YES1: variants seen among roughly 807,000 people sequenced by gnomAD.
YES1 encodes YES proto-oncogene 1, Src family tyrosine kinase, also known as tyrosine-protein kinase Yes.
In YES1, 39 loss-of-function variants were observed where a neutral mutation model predicts 70.4. The ratio of observed to expected loss-of-function variants is 0.55; its 90% CI spans 0.43 to 0.72. YES1 has a LOEUF of 0.72. Ranked by LOEUF, YES1 falls within the 30% of genes least tolerant of loss-of-function variation. YES1 has a pLI of 0.00. For missense variants in YES1, 495 were observed against 644.8 expected (o/e 0.77, Z 2.52); for synonymous variants, 198 against 218.6 (o/e 0.91, Z 0.83).
At chr18:811,990 G>T in intron 1 of YES1, 124 bp downstream of exon 1, 1 of 166,628 alleles carries the variant, frequency 6.0e-6, no homozygotes, top group South Asian at 1.6e-4. Flanking sequence ...CCAACTTCCC[G>T]ACTCGGGCCC....
Position 745,762 on chromosome 18 carries a change from T to C in YES1, c.670A>G (p.Ile224Val), listed in dbSNP as rs950954198. 5 of 1,613,426 alleles carry C rather than the reference T, an allele frequency of 3.1e-6. No individual in the cohort carries two copies. Among genetic ancestry groups the C allele is most frequent in the Non-Finnish European group, 3.4e-6 (4 of 1,179,796 alleles). The change falls in exon 6 of 12, where the codon ATC becomes GTC. Residue 224 changes from isoleucine to valine, a missense_variant. Ile to Val is a conservative substitution (Grantham distance 29, BLOSUM62 3). Coordinates refer to ENST00000314574, the MANE Select transcript of YES1 (RefSeq NM_005433.4). ...IRKLDNGGYY[I>V]TTRAQFDTLQ... ...GTATCAAATTGTGCTCTGGTTGTGATATAGTATCCACCATTGTCAAGTTTC... is the reference window on the plus strand; with the variant it reads ...GTATCAAATTGTGCTCTGGTTGTGACATAGTATCCACCATTGTCAAGTTTC...
chr18:809,853 A>G (rs1304671696), intron 1 of YES1, among the ~76,000 whole-genome samples: 1 of 152,176 alleles, frequency 6.6e-6, no homozygotes, highest in Non-Finnish European at 1.5e-5. Flanking sequence ...ACTAAGACCA[A>G]TACCCTTGGT....
Position 772,358 on chromosome 18 carries a change from A to G in YES1, c.-8-15523T>C, listed in dbSNP as rs114843162. 4.2e-3 allele frequency among the ~76,000 whole-genome samples: 641 copies of G among 151,996 alleles called. 3 individuals carry two copies. Among genetic ancestry groups the G allele is most frequent in the African/African-American group, 0.015 (612 of 41,472 alleles). On this transcript the variant is annotated intron_variant, in intron 1 of 11. Transcript: ENST00000314574. ...TGTTCAAGTTTGAATGCAGGTCTTG[A>G]TACTAGGTAAACATTGCTTTGTTTT... is the stretch of plus-strand genomic sequence containing the variant.
intron 1 of YES1, among the ~76,000 whole-genome samples, chr18:785,736 C>A (rs920924749): frequency 2.0e-5 from 3 of 150,050 alleles, no homozygotes; most frequent in Admixed American, 6.7e-5. Flanking sequence ...GCCAGTCTGT[C>A]AAGACCAGTC....
chr18:799,982 T>C (rs1906739725), intron 1 of YES1, among the ~76,000 whole-genome samples: 1 of 152,200 alleles, frequency 6.6e-6, no homozygotes. Context: ...AACTCCTATA[T>C]TGTAAGTGGG....
At chr18:755,508 T>G (rs2080395408) in intron 2 of YES1, among the ~76,000 whole-genome samples, 1 of 152,156 alleles carries the variant, frequency 6.6e-6, no homozygotes, top group South Asian at 2.1e-4. Flanking sequence ...TGCCTCAGCC[T>G]CCCAAAATGC....
intron 11 of YES1, among the ~76,000 whole-genome samples, chr18:728,322 C>CA (rs34970099): frequency 0.45 from 66,007 of 145,582 alleles, 14,560 homozygotes; most frequent in South Asian, 0.51. Flanking sequence ...GACCCTGTCT[C>CA]AAAAAAAAAA....
chr18:725,276 C>T (rs2080003991), intron 11 of YES1, among the ~76,000 whole-genome samples: 1 of 152,020 alleles, frequency 6.6e-6, no homozygotes, highest in African/African-American at 2.4e-5. Context: ...TCTCACTAAG[C>T]CAGCAACCTC....
chr18:805,781 G>C (rs1437895671), intron 1 of YES1, among the ~76,000 whole-genome samples: 1 of 152,016 alleles, frequency 6.6e-6, no homozygotes, highest in Non-Finnish European at 1.5e-5. Flanking sequence ...CAATACATTC[G>C]CCAGGAAACA....
intron 1 of YES1, among the ~76,000 whole-genome samples, chr18:798,860 T>C (rs1906673888): frequency 6.6e-6 from 1 of 152,220 alleles, no homozygotes; most frequent in African/African-American, 2.4e-5. Flanking sequence ...GAACTGTCTT[T>C]CCTGCTACTT....
At chr18:780,914 A>G (rs1478196711) in intron 1 of YES1, among the ~76,000 whole-genome samples, 1 of 152,144 alleles carries the variant, frequency 6.6e-6, no homozygotes, top group Non-Finnish European at 1.5e-5. Context: ...TCTAATTATG[A>G]GCCTTTGATG....
chr18:796,005 A>G (rs1274385711), intron 1 of YES1, among the ~76,000 whole-genome samples: 1 of 152,142 alleles, frequency 6.6e-6, no homozygotes, highest in African/African-American at 2.4e-5. Flanking sequence ...CTGGGATATA[A>G]AAGACAATCT....
At chr18:738,247 TA>T (rs2080175621) in intron 9 of YES1, 1 of 152,068 alleles carries the variant, frequency 6.6e-6, no homozygotes, top group South Asian at 2.1e-4. Context: ...CCAAAGCCAA[TA>T]ATAAGGCCTC....
chr18:729,329 C>T (rs899760176), intron 11 of YES1, among the ~76,000 whole-genome samples: 14 of 151,968 alleles, frequency 9.2e-5, no homozygotes, highest in African/African-American at 2.7e-4. Context: ...GCAGGAGAAT[C>T]GCTGGAACCT....
intron 4 of YES1, among the ~76,000 whole-genome samples, chr18:747,385 CT>C (rs2080292953): frequency 1.3e-5 from 2 of 152,154 alleles, no homozygotes; most frequent in Non-Finnish European, 2.9e-5. Flanking sequence ...AGGAGAATTG[CT>C]TGAGCCTGGG....
intron 4 of YES1, among the ~76,000 whole-genome samples, chr18:746,415 G>GCAT (rs1056620716): frequency 1.2e-4 from 18 of 152,164 alleles, no homozygotes; most frequent in African/African-American, 4.3e-4. Flanking sequence ...CCTGGTAACA[G>GCAT]CATCATCATC....
In YES1 at chr18:759,778, T is replaced by C. The variant is rs1288636284; in HGVS notation, c.-8-2943A>G. Among the ~76,000 whole-genome samples, 10 of 152,234 alleles carry C rather than the reference T, an allele frequency of 6.6e-5. No homozygotes were observed. In the East Asian group the frequency reaches 1.9e-3, roughly 29 times the overall value. On this transcript the variant is annotated intron_variant, in intron 1 of 11. Coordinates refer to ENST00000314574, the MANE Select transcript of YES1 (RefSeq NM_005433.4). ...GTGCACAACGTGCAGGTTACATATG[T>C]ATACATGTGCCATGTTGGTGTGCTG...
At chr18:731,946 G>A (rs374048976) in intron 11 of YES1, among the ~76,000 whole-genome samples, 89 of 115,522 alleles carry the variant, frequency 7.7e-4, no homozygotes, top group African/African-American at 2.8e-3. Context: ...CAGCCTGGGC[G>A]ACAGAGCGAG....
At chr18:807,822 C>A (rs1907175585) in intron 1 of YES1, among the ~76,000 whole-genome samples, 2 of 152,098 alleles carry the variant, frequency 1.3e-5, no homozygotes, top group Admixed American at 1.3e-4. Context: ...AAAGTAGAGT[C>A]CAAAGAACCT....
Sources: gnomAD v4.1 joint callset for allele counts (sites outside exome capture counted in the v4.1 genomes callset) on GRCh38, gnomAD v4.1.1 for gene constraint, MANE v1.5 for transcripts, NCBI Gene and HGNC (gene_info 2026-07-23, HGNC 2026-07-21) for gene names.